Variants in SV2C observed in about 807,000 individuals in gnomAD.
SV2C encodes the protein synaptic vesicle glycoprotein 2C.
SV2C carries 49 observed loss-of-function variants against 79.7 expected under a neutral mutation model. The observed-to-expected ratio is 0.61, with a 90% confidence interval of 0.49 to 0.78. The LOEUF (loss-of-function observed/expected upper bound fraction) is 0.78, where lower values mean the gene tolerates loss of function less well. SV2C is among the 30% of genes least tolerant of loss of function. The probability of loss-of-function intolerance (pLI) is 0.00; values close to 1 mark genes in which losing one functional copy is unlikely to be tolerated. For synonymous variants in SV2C, 334 were observed against 333.2 expected, an observed-to-expected ratio of 1.00 and a Z score of -0.03; for missense variants, 833 against 912.9, an observed-to-expected ratio of 0.91 and a Z score of 1.13.
intron 2 of SV2C, among the ~76,000 whole-genome samples, chr5:76,187,764 AAT>A (rs987341317): frequency 5.3e-5 from 8 of 151,294 alleles, no homozygotes; most frequent in African/African-American, 2.0e-4. Context: ...AAAAAAAAAA[AAT>A]ATGTCTTAGG....
chr5:76,099,365 C>CGT (rs10582798), intron 1 of SV2C, among the ~76,000 whole-genome samples: 11,879 of 148,480 alleles, frequency 0.08, 1,001 homozygotes, highest in African/African-American at 0.22. Context: ...TTCTTTTGCT[C>CGT]GTGTGTGTGT....
chr5:76,253,209 A>C (rs1746164245), intron 4 of SV2C, among the ~76,000 whole-genome samples: 1 of 152,238 alleles, frequency 6.6e-6, no homozygotes, highest in Non-Finnish European at 1.5e-5. Flanking sequence ...CTGTGCAGAT[A>C]GTGGAATGGA....
intron 4 of SV2C, among the ~76,000 whole-genome samples, chr5:76,262,385 C>T (rs4343820): frequency 0.24 from 36,765 of 151,874 alleles, 4,648 homozygotes; most frequent in East Asian, 0.3. Context: ...TTCAGAAAAC[C>T]AGCTCCTGGA....
intron 2 of SV2C, among the ~76,000 whole-genome samples, chr5:76,138,179 G>A (rs1340539812): frequency 6.6e-6 from 1 of 152,196 alleles, no homozygotes; most frequent in Non-Finnish European, 1.5e-5. Flanking sequence ...TCATTTTAAA[G>A]ATGAAGATAG....
intron 1 of SV2C, 23 bp from the exon 2 acceptor site, chr5:76,131,627 C>A: frequency 1.6e-6 from 1 of 611,456 alleles, no homozygotes. Context: ...TAATAAGTAT[C>A]TCCTCTATTT....
the SV2C span, among the ~76,000 whole-genome samples, chr5:76,038,261 A>G: frequency 2.0e-5 from 3 of 152,304 alleles, no homozygotes; most frequent in African/African-American, 7.2e-5. Flanking sequence ...ATGTAAACCA[A>G]ATGTTTAAAT....
the SV2C span, among the ~76,000 whole-genome samples, chr5:76,072,787 A>G: frequency 6.6e-6 from 1 of 152,170 alleles, no homozygotes; most frequent in Non-Finnish European, 1.5e-5. Flanking sequence ...GATTCTGATT[A>G]TGGCCATTCT....
chr5:75,954,626 A>G, the SV2C span, among the ~76,000 whole-genome samples: 1 of 149,774 alleles, frequency 6.7e-6, no homozygotes, highest in Non-Finnish European at 1.5e-5. Context: ...AGATGACATG[A>G]TTGTATATCT....
At chr5:76,273,364 G>A (rs1746932700) in intron 4 of SV2C, among the ~76,000 whole-genome samples, 1 of 151,996 alleles carries the variant, frequency 6.6e-6, no homozygotes, top group South Asian at 2.1e-4. Context: ...TCTCACTGGA[G>A]TTTGGGAAGC....
chr5:76,303,599 G>T (rs938444848), intron 12 of SV2C, among the ~76,000 whole-genome samples: 3 of 151,898 alleles, frequency 2.0e-5, no homozygotes, highest in African/African-American at 4.8e-5. Context: ...CTGCCATAAG[G>T]AATAGAAGGA....
chr5:76,221,329 C>T (rs113001641), intron 4 of SV2C, among the ~76,000 whole-genome samples: 8 of 152,262 alleles, frequency 5.3e-5, no homozygotes, highest in African/African-American at 1.4e-4. Context: ...AGCACTCAGA[C>T]CCAAAGAAAA....
chr5:76,209,677 T>A, intron 3 of SV2C, 59 bp from the exon 4 acceptor site: 1 of 1,543,790 alleles, frequency 6.5e-7, no homozygotes, highest in Non-Finnish European at 8.8e-7. Flanking sequence ...CTCTGCCCTT[T>A]GCGTCTCACA....
intron 1 of SV2C, among the ~76,000 whole-genome samples, chr5:76,093,109 G>T (rs1747433809): frequency 6.6e-6 from 1 of 152,054 alleles, no homozygotes; most frequent in African/African-American, 2.4e-5. Context: ...TTTAATAAGG[G>T]TATAGCTGCC....
chr5:76,031,871 G>A, the SV2C span, among the ~76,000 whole-genome samples: 6 of 152,186 alleles, frequency 3.9e-5, no homozygotes, highest in South Asian at 4.1e-4. Flanking sequence ...GGGACTTTCC[G>A]AAATATTTGG....
chr5:76,197,847 A>G (rs1744319526), intron 3 of SV2C, among the ~76,000 whole-genome samples: 1 of 152,116 alleles, frequency 6.6e-6, no homozygotes, highest in Non-Finnish European at 1.5e-5. Context: ...ATGGCTCAGT[A>G]TAAGTTTGAA....
At chr5:76,157,378 G>T (rs1315756603) in intron 2 of SV2C, among the ~76,000 whole-genome samples, 1 of 151,878 alleles carries the variant, frequency 6.6e-6, no homozygotes, top group Non-Finnish European at 1.5e-5. Context: ...GAAATAATTT[G>T]TTTCTAACAG....
chr5:76,300,767 A>G lies in SV2C; in HGVS notation c.1675A>G (p.Asn559Asp). Residue 559 changes from asparagine (N) to aspartate (D), a missense_variant, in exon 11 of 13, where the codon AAC (asparagine) becomes GAC (aspartate). Transcript: ENST00000502798. ...PYKFIDSEFK[N>D]CSFFHNKTGC... ...TAAATTCATTGACAGTGAATTTAAA[A>G]ACTGCTCGTTTTTTCACAACAAGAC... is the stretch of plus-strand genomic sequence containing the variant. The G allele has an allele frequency of 1.2e-6, 2 of 1,614,130 alleles. No individual in the cohort carries two copies. Among genetic ancestry groups the G allele is most frequent in the Non-Finnish European group, 8.5e-7 (1 of 1,179,976 alleles).
chr5:76,206,682 T>C (rs1273333270), intron 3 of SV2C, among the ~76,000 whole-genome samples: 1 of 152,226 alleles, frequency 6.6e-6, no homozygotes. Flanking sequence ...ACATGTCCAC[T>C]GGGCCAGTTA....
intron 4 of SV2C, among the ~76,000 whole-genome samples, chr5:76,248,911 G>A (rs995168423): frequency 6.6e-6 from 1 of 152,256 alleles, no homozygotes; most frequent in East Asian, 1.9e-4. Flanking sequence ...GAGCCACCAC[G>A]CCTGGCCTCA....
Sources: allele counts gnomAD v4.1 joint callset (sites outside exome capture counted in the v4.1 genomes callset), GRCh38; gene constraint gnomAD v4.1.1; transcripts MANE v1.5; gene names NCBI Gene and HGNC (gene_info 2026-07-23, HGNC 2026-07-21).